HAPSTR1: variants seen among roughly 807,000 people sequenced by gnomAD.
The protein encoded by HAPSTR1 is HUWE1 associated protein modifying stress responses, also known as HUWE1-associated protein modifying stress responses 1.
chr16:9,098,921 G>A, the HAPSTR1 span, among the ~76,000 whole-genome samples: 2 of 152,132 alleles, frequency 1.3e-5, no homozygotes, highest in African/African-American at 4.8e-5. Context: ...ACAAACTTGC[G>A]ATACCTGCTC....
chr16:9,100,595 G>T, the HAPSTR1 span, among the ~76,000 whole-genome samples: 2 of 151,952 alleles, frequency 1.3e-5, no homozygotes, highest in Admixed American at 1.3e-4. Context: ...GTGAAGTGGC[G>T]CATTCTTGGC....
chr16:9,092,892 G>GTTTTTTTTTTTTTTTTGTTT, the HAPSTR1 span: 4 of 1,267,494 alleles, frequency 3.2e-6, no homozygotes, highest in South Asian at 2.8e-5. Flanking sequence ...TTTCTTTTTG[G>GTTTTTTTTTTTTTTTTGTTT]TTTTTTTTTT....
the HAPSTR1 span, chr16:9,103,001 C>G: frequency 6.2e-7 from 1 of 1,613,948 alleles, no homozygotes; most frequent in Non-Finnish European, 8.5e-7. Context: ...GGATACCCAT[C>G]AACGAAGTTT....
the HAPSTR1 span, chr16:9,104,908 C>CT: frequency 6.6e-6 from 1 of 152,134 alleles, no homozygotes; most frequent in Non-Finnish European, 1.5e-5. Flanking sequence ...GATTTTCTTC[C>CT]TTTATTAAGA....
chr16:9,103,388 T>C, the HAPSTR1 span: 2 of 979,484 alleles, frequency 2.0e-6, no homozygotes, highest in East Asian at 2.6e-5. Flanking sequence ...GCTCTAGAAA[T>C]GTTTAATAGA....
chr16:9,095,543 C>T, the HAPSTR1 span, among the ~76,000 whole-genome samples: 3 of 151,904 alleles, frequency 2.0e-5, no homozygotes, highest in African/African-American at 7.3e-5. Flanking sequence ...TATTGTGCAG[C>T]CTGGGGACAA....
chr16:9,099,140 GA>G, the HAPSTR1 span, among the ~76,000 whole-genome samples: 62 of 33,208 alleles, frequency 1.9e-3, no homozygotes, highest in African/African-American at 0.011. Flanking sequence ...AGCATTTAAA[GA>G]AAAAAAAGGG....
chr16:9,120,214 T>A, the HAPSTR1 span: 1 of 152,200 alleles, frequency 6.6e-6, no homozygotes, highest in Non-Finnish European at 1.5e-5. Context: ...ACTAGAAAGG[T>A]TCTTCCAGAG....
At chr16:9,102,461 G>T in the HAPSTR1 span, among the ~76,000 whole-genome samples, 1 of 152,202 alleles carries the variant, frequency 6.6e-6, no homozygotes, top group Non-Finnish European at 1.5e-5. Context: ...CCAGGGAAAT[G>T]AATAAAGCTT....
At chr16:9,092,786 A>T in the HAPSTR1 span, 2 of 969,508 alleles carry the variant, frequency 2.1e-6, no homozygotes, top group Non-Finnish European at 3.0e-6. Flanking sequence ...GAAACCCCTG[A>T]ACAAAATGGC....
the HAPSTR1 span, among the ~76,000 whole-genome samples, chr16:9,094,824 C>G: frequency 6.6e-6 from 1 of 152,148 alleles, no homozygotes; most frequent in Non-Finnish European, 1.5e-5. Flanking sequence ...GGTTCTTAGC[C>G]TAGGCCGTAT....
the HAPSTR1 span, chr16:9,116,964 A>G: frequency 5.6e-6 from 9 of 1,598,270 alleles, no homozygotes; most frequent in African/African-American, 1.3e-5. Flanking sequence ...CTTGATCCTC[A>G]ACATATACTA....
chr16:9,100,965 C>G, the HAPSTR1 span, among the ~76,000 whole-genome samples: 1 of 152,152 alleles, frequency 6.6e-6, no homozygotes, highest in Non-Finnish European at 1.5e-5. Context: ...GAATAAAATA[C>G]CCTCATTCTC....
At chr16:9,113,804 G>C in the HAPSTR1 span, among the ~76,000 whole-genome samples, 8 of 152,206 alleles carry the variant, frequency 5.3e-5, no homozygotes, top group East Asian at 1.9e-4. Context: ...TTAGTCTTGC[G>C]GTAGAACTTT....
chr16:9,106,695 C>T, the HAPSTR1 span: 1 of 151,824 alleles, frequency 6.6e-6, no homozygotes, highest in Non-Finnish European at 1.5e-5. Flanking sequence ...TTTCCTGTGT[C>T]CTATGGGACC....
the HAPSTR1 span, among the ~76,000 whole-genome samples, chr16:9,097,354 C>T: frequency 6.6e-6 from 1 of 151,922 alleles, no homozygotes; most frequent in Non-Finnish European, 1.5e-5. Flanking sequence ...GTGATCCTCC[C>T]ACCTCAGCCA....
the HAPSTR1 span, among the ~76,000 whole-genome samples, chr16:9,114,623 A>G: frequency 6.6e-6 from 1 of 152,142 alleles, no homozygotes; most frequent in Non-Finnish European, 1.5e-5. Context: ...CAGGAAGGGA[A>G]GAGAGAGAAA....
At chr16:9,108,153 T>C in the HAPSTR1 span, 3 of 152,172 alleles carry the variant, frequency 2.0e-5, no homozygotes, top group South Asian at 4.1e-4. Flanking sequence ...GTTTACTTTG[T>C]AAAAGCATCA....
the HAPSTR1 span, among the ~76,000 whole-genome samples, chr16:9,094,420 TA>T: frequency 2.6e-5 from 4 of 151,652 alleles, no homozygotes; most frequent in African/African-American, 7.2e-5. Context: ...AATACTTAAT[TA>T]AAAAAAAGGT....
Sources: allele counts gnomAD v4.1 joint callset (sites outside exome capture counted in the v4.1 genomes callset), GRCh38; gene constraint gnomAD v4.1.1; transcripts MANE v1.5; gene names NCBI Gene and HGNC (gene_info 2026-07-23, HGNC 2026-07-21).